The following KCTD1 variants were observed in gnomAD, a reference collection of about 807,000 sequenced individuals.
The protein encoded by KCTD1 is BTB/POZ domain-containing protein KCTD1.
In KCTD1, 24 loss-of-function variants were observed where a neutral mutation model predicts 66.0. The ratio of observed to expected loss-of-function variants is 0.36; its 90% CI spans 0.26 to 0.51. The LOEUF is 0.51. Ranked by LOEUF, KCTD1 falls within the 20% of genes least tolerant of loss-of-function variation. The pLI, the probability that KCTD1 is intolerant of heterozygous loss-of-function variation, is 0.95. For synonymous variants in KCTD1, 511 were observed against 517.2 expected (o/e 0.99, Z 0.16); for missense variants, 943 against 1,205.2 (o/e 0.78, Z 3.22).
chr18:26,548,022 G>T lies in KCTD1; in HGVS notation c.515C>A (p.Thr172Asn). 1 of 1,526,386 alleles carries T rather than the reference G, an allele frequency of 6.6e-7. No homozygotes were observed. The allele number at this position is 1,526,386 out of a possible 1,614,324, so 94.6% of individuals were successfully genotyped here. A position where few individuals can be genotyped will look rare whatever the true frequency, so the allele number is the denominator to read the frequency against. ...RPERARLSEN[T>N]RLATRYAVRI... is the part of the protein sequence containing the mutation. ...CACGGCGTAGCGGGTGGCCAGCCGGGTGTTCTCGCTCAGCCGGGCCCGCTC... is the reference window on the plus strand; with the variant it reads ...CACGGCGTAGCGGGTGGCCAGCCGGTTGTTCTCGCTCAGCCGGGCCCGCTC... The change falls in exon 1 of 5, where the codon ACC (threonine) becomes AAC (asparagine). Residue 172 changes from threonine to asparagine, a missense_variant. By Grantham distance (65) the Thr-to-Asn change is moderately conservative (BLOSUM62 0). Coordinates refer to ENST00000580059, the MANE Select transcript of KCTD1 (RefSeq NM_001142730.3).
intron 1 of KCTD1, among the ~76,000 whole-genome samples, chr18:26,582,106 A>G (rs1221625547): frequency 1.2e-4 from 1 of 8,066 alleles, no homozygotes; most frequent in African/African-American, 3.7e-4. Flanking sequence ...TGTCTCTACC[A>G]AAAAAAAAAA....
intron 3 of KCTD1, among the ~76,000 whole-genome samples, chr18:26,471,535 A>G (rs1355157903): frequency 3.3e-5 from 5 of 152,088 alleles, no homozygotes; most frequent in African/African-American, 1.2e-4. Flanking sequence ...CAGTTTTTAA[A>G]AAGTGTCACA....
rs376810184 is a variant in KCTD1 at position 26,506,923 on chromosome 18, TG to T, written c.1810-5674del. 9.2e-3 allele frequency among the ~76,000 whole-genome samples: 1,407 copies of T among 152,322 alleles called. 26 individuals are homozygous for T. Among genetic ancestry groups the T allele is most frequent in the African/African-American group, 0.031 (1,271 of 41,570 alleles). On this transcript the variant is annotated intron_variant, in intron 1 of 4. Transcript: ENST00000580059. ...GCTCACGCCTGTAATTCCAGCACTT[TG>T]GGAGGCCGAGGCGGGCAGATCACCT...
chr18:26,456,664 T>C (rs1276937481), intron 4 of KCTD1: 3 of 152,172 alleles, frequency 2.0e-5, no homozygotes, highest in African/African-American at 7.2e-5. Flanking sequence ...CCATAGAATC[T>C]GTTCCTTAAT....
rs117031446 is a variant in KCTD1 at position 26,652,884 on chromosome 18, G to T, written c.9+4476C>A. Among the ~76,000 whole-genome samples the T allele has an allele frequency of 4.5e-3, 681 of 152,242 alleles. 7 individuals are homozygous for T. Among genetic ancestry groups the T allele is most frequent in the African/African-American group, 0.016 (647 of 41,536 alleles). ...TCCACCCAGGCTTCAGAATTCCCGC[G>T]TCTATTCAATTAACATGCCCGAAAC... On this transcript the variant is annotated intron_variant, in intron 1 of 4. Coordinates refer to the KCTD1 transcript ENST00000580191.
At chr18:26,474,309 A>G (rs920186675) in intron 3 of KCTD1, among the ~76,000 whole-genome samples, 4 of 152,230 alleles carry the variant, frequency 2.6e-5, no homozygotes, top group African/African-American at 7.2e-5. Flanking sequence ...AAACATGACT[A>G]TAATAAACAT....
intron 1 of KCTD1, among the ~76,000 whole-genome samples, chr18:26,533,422 A>C (rs1166205876): frequency 6.6e-6 from 1 of 152,244 alleles, no homozygotes; most frequent in Non-Finnish European, 1.5e-5. Context: ...ACTTTATTAC[A>C]AAGAGTGTTA....
intron 1 of KCTD1, among the ~76,000 whole-genome samples, chr18:26,604,728 C>A (rs750295526): frequency 1.3e-5 from 2 of 151,848 alleles, no homozygotes; most frequent in Non-Finnish European, 1.5e-5. Context: ...CAGACACAGG[C>A]GTCTACTTGA....
intron 1 of KCTD1, among the ~76,000 whole-genome samples, chr18:26,606,098 G>T (rs1475982913): frequency 6.6e-6 from 1 of 152,152 alleles, no homozygotes; most frequent in African/African-American, 2.4e-5. Context: ...ATTGGCAATT[G>T]GTTGAAATAG....
chr18:26,639,808 G>A (rs1311122162), intron 1 of KCTD1, among the ~76,000 whole-genome samples: 1 of 152,172 alleles, frequency 6.6e-6, no homozygotes, highest in Non-Finnish European at 1.5e-5. Flanking sequence ...AAGCAGCAGC[G>A]TAGGGGTCTA....
intron 1 of KCTD1, among the ~76,000 whole-genome samples, chr18:26,580,622 A>T (rs1326658523): frequency 6.6e-6 from 1 of 152,196 alleles, no homozygotes. Flanking sequence ...GAAGCCACAG[A>T]AACTCACATA....
At chr18:26,568,798 C>A (rs540633317) in intron 1 of KCTD1, among the ~76,000 whole-genome samples, 1 of 152,316 alleles carries the variant, frequency 6.6e-6, no homozygotes, top group South Asian at 2.1e-4. Flanking sequence ...AAGCAAAACA[C>A]TGGAAGCTCA....
At chr18:26,484,470 T>C (rs1320336140) in intron 2 of KCTD1, among the ~76,000 whole-genome samples, 2 of 152,190 alleles carry the variant, frequency 1.3e-5, no homozygotes, top group Non-Finnish European at 1.5e-5. Context: ...CGGCGTTTTG[T>C]AGAATCCATC....
At chr18:26,597,129 C>T (rs1598959310) in intron 1 of KCTD1, among the ~76,000 whole-genome samples, 1 of 151,926 alleles carries the variant, frequency 6.6e-6, no homozygotes, top group Non-Finnish European at 1.5e-5. Flanking sequence ...TGAGGAGGAC[C>T]TCCATGTGGG....
chr18:26,490,943 G>A (rs1474262124), intron 2 of KCTD1, among the ~76,000 whole-genome samples: 1 of 152,088 alleles, frequency 6.6e-6, no homozygotes, highest in Admixed American at 6.5e-5. Flanking sequence ...AGTAGAGATG[G>A]AGTTTCACCA....
intron 1 of KCTD1, among the ~76,000 whole-genome samples, chr18:26,576,018 C>T (rs182787433): frequency 2.0e-5 from 3 of 152,316 alleles, no homozygotes; most frequent in Admixed American, 2.0e-4. Context: ...AAGGATACAC[C>T]TCATACATGC....
chr18:26,530,971 C>T (rs570464157), intron 1 of KCTD1, among the ~76,000 whole-genome samples: 20 of 152,292 alleles, frequency 1.3e-4, no homozygotes, highest in Admixed American at 3.3e-4. Context: ...TTATTCATTT[C>T]GGCAAGTACT....
At chr18:26,603,984 T>A (rs894978004) in intron 1 of KCTD1, among the ~76,000 whole-genome samples, 2 of 151,996 alleles carry the variant, frequency 1.3e-5, no homozygotes, top group Non-Finnish European at 2.9e-5. Context: ...ACCTACAGAA[T>A]GGGAGAAAAT....
chr18:26,578,110 G>A (rs2144914289), intron 1 of KCTD1, among the ~76,000 whole-genome samples: 1 of 139,626 alleles, frequency 7.2e-6, no homozygotes, highest in South Asian at 2.3e-4. Context: ...AGGATGGAGT[G>A]CAGTGCTCCG....
Sources: gnomAD v4.1 joint callset for allele counts (sites outside exome capture counted in the v4.1 genomes callset) on GRCh38, gnomAD v4.1.1 for gene constraint, MANE v1.5 for transcripts, NCBI Gene and HGNC (gene_info 2026-07-23, HGNC 2026-07-21) for gene names.